The following POMK variants were observed in gnomAD, a reference collection of about 807,000 sequenced individuals.
POMK encodes Sugen kinase 196.
A neutral mutation model predicts 23.0 loss-of-function variants in POMK; 19 were observed. The observed-to-expected ratio is 0.83, with a 90% CI of 0.58 to 1.21. POMK has a LOEUF of 1.21. Among genes scored for constraint, POMK ranks in the 50% most tolerant of loss-of-function variants. POMK has a pLI of 0.00. For missense variants in POMK, 410 were observed against 431.3 expected, an observed-to-expected ratio of 0.95 and a Z score of 0.44; for synonymous variants, 173 against 171.6, an observed-to-expected ratio of 1.01 and a Z score of -0.06.
At position 43,111,585 on chromosome 8, in the gene POMK, G is replaced by T. The variant is rs529763051; in HGVS notation, c.282+7755G>T. 1.9e-4 allele frequency among the ~76,000 whole-genome samples: 29 copies of T among 152,334 alleles called. No homozygotes were observed. In the South Asian group the frequency reaches 3.9e-3, roughly 21 times the overall value. The stretch of plus-strand genomic sequence containing the variant: ...TTTGAAGAGAGTAGTGGTTCTCCCA[G>T]CATGCAGCTTGAGATCTCAGAATGG... On this transcript the variant is annotated intron_variant, in intron 4 of 4. Coordinates refer to ENST00000331373, the MANE Select transcript of POMK (RefSeq NM_032237.5).
intron 4 of POMK, among the ~76,000 whole-genome samples, chr8:43,105,344 A>C (rs1452363811): frequency 3.9e-5 from 6 of 152,074 alleles, no homozygotes; most frequent in Non-Finnish European, 8.8e-5. Context: ...CCTTTGCTCT[A>C]CCCTTCCCAG....
rs185076945 is a variant in POMK at position 43,121,613 on chromosome 8, C to T, written c.283-494C>T. On this transcript the variant is annotated intron_variant, in intron 4 of 4. Coordinates refer to ENST00000331373, the MANE Select transcript of POMK (RefSeq NM_032237.5). ...GCTCTACGCCCTCATGTAGGCTTTT[C>T]GGGGTCTCCACACTTACCCACTTTT... 5.3e-5 allele frequency among the ~76,000 whole-genome samples: 8 copies of T among 152,338 alleles called. No homozygotes were observed. In the East Asian group the frequency reaches 1.2e-3, roughly 22 times the overall value.
chr8:43,100,370 G>A (rs570680489), intron 2 of POMK, among the ~76,000 whole-genome samples: 7 of 152,190 alleles, frequency 4.6e-5, no homozygotes, highest in African/African-American at 1.7e-4. Flanking sequence ...AAGTTCCAAA[G>A]CAAGCTAATA....
At chr8:43,114,409 C>T (rs181786151) in intron 4 of POMK, among the ~76,000 whole-genome samples, 25 of 152,330 alleles carry the variant, frequency 1.6e-4, no homozygotes, top group Middle Eastern at 3.4e-3. Context: ...TAGGACCCTC[C>T]GAGCCACGTG....
At chr8:43,096,762 C>T (rs1039353442) in intron 1 of POMK, among the ~76,000 whole-genome samples, 1 of 152,230 alleles carries the variant, frequency 6.6e-6, no homozygotes, top group African/African-American at 2.4e-5. Context: ...CACAGCTTGT[C>T]TCACTAATTG....
At chr8:43,096,117 A>C (rs905687143) in intron 1 of POMK, among the ~76,000 whole-genome samples, 5 of 152,196 alleles carry the variant, frequency 3.3e-5, no homozygotes, top group Admixed American at 2.0e-4. Context: ...ACTGGGGTGC[A>C]GTGGTGAACA....
intron 4 of POMK, among the ~76,000 whole-genome samples, chr8:43,116,055 G>T (rs765962959): frequency 6.6e-6 from 1 of 152,186 alleles, no homozygotes; most frequent in Non-Finnish European, 1.5e-5. Context: ...CTTCAACCCC[G>T]TTTAAAATTG....
At chr8:43,096,577 G>T (rs973861365) in intron 1 of POMK, among the ~76,000 whole-genome samples, 2 of 152,172 alleles carry the variant, frequency 1.3e-5, no homozygotes, top group African/African-American at 2.4e-5. Context: ...GGAGGCTGAG[G>T]CAGGAGAATC....
At chr8:43,114,228 G>A (rs1811745086) in intron 4 of POMK, among the ~76,000 whole-genome samples, 1 of 152,246 alleles carries the variant, frequency 6.6e-6, no homozygotes, top group Non-Finnish European at 1.5e-5. Flanking sequence ...GCCTACAGAG[G>A]CAGGCAGGCC....
intron 4 of POMK, among the ~76,000 whole-genome samples, chr8:43,106,351 T>G (rs2130604903): frequency 6.6e-6 from 1 of 152,296 alleles, no homozygotes; most frequent in East Asian, 1.9e-4. Context: ...GTTATTTTTT[T>G]CTGTTGAGAT....
In POMK at chr8:43,122,784, A is replaced by G; in HGVS notation, c.960A>G (p.Glu320=). The G allele has an allele frequency of 6.2e-7, 1 of 1,614,142 alleles. No homozygotes were observed. Among genetic ancestry groups the G allele is most frequent in the Non-Finnish European group, 8.5e-7 (1 of 1,180,012 alleles). Residue 320 remains glutamate (E), a synonymous_variant, in exon 5 of 5, where the codon GAA becomes GAG. Coordinates refer to ENST00000331373, the MANE Select transcript of POMK (RefSeq NM_032237.5). ...CATGCAAGAGCCAGACTCCCTCAGA[A>G]AGACCCACTGCCCAGGACGTTCTGG... is the stretch of plus-strand genomic sequence containing the variant. The part of the protein sequence containing the change: ...HKACKSQTPS[E]RPTAQDVLET...
intron 4 of POMK, among the ~76,000 whole-genome samples, chr8:43,109,552 A>G (rs1228332787): frequency 6.7e-6 from 1 of 150,006 alleles, no homozygotes; most frequent in African/African-American, 2.5e-5. Flanking sequence ...TTTATTTTTT[A>G]TTTTTTTCAA....
intron 4 of POMK, among the ~76,000 whole-genome samples, chr8:43,106,549 G>A (rs986379132): frequency 2.4e-5 from 3 of 126,720 alleles, no homozygotes; most frequent in South Asian, 2.5e-4. Context: ...TTGCTCTATC[G>A]CCCAGGCTGG....
chr8:43,121,625 A>G (rs1811917724), intron 4 of POMK, among the ~76,000 whole-genome samples: 1 of 152,130 alleles, frequency 6.6e-6, no homozygotes, highest in Admixed American at 6.5e-5. Flanking sequence ...GGGTCTCCAC[A>G]CTTACCCACT....
At chr8:43,098,530 T>A (rs1259396951) in intron 2 of POMK, among the ~76,000 whole-genome samples, 1 of 152,226 alleles carries the variant, frequency 6.6e-6, no homozygotes, top group Non-Finnish European at 1.5e-5. Flanking sequence ...AATGGACACT[T>A]GGCTTGTTTC....
chr8:43,097,256 A>G (rs1811352681), intron 1 of POMK, among the ~76,000 whole-genome samples: 1 of 152,160 alleles, frequency 6.6e-6, no homozygotes, highest in Non-Finnish European at 1.5e-5. Flanking sequence ...TGGACCCAAG[A>G]ATTTGCATTT....
At chr8:43,111,369 G>C (rs576421811) in intron 4 of POMK, among the ~76,000 whole-genome samples, 37 of 152,322 alleles carry the variant, frequency 2.4e-4, no homozygotes, top group Non-Finnish European at 3.8e-4. Flanking sequence ...CAGCGAGGCT[G>C]GGGGAGGGGC....
intron 4 of POMK, among the ~76,000 whole-genome samples, chr8:43,114,056 CAG>C (rs1563340455): frequency 6.6e-6 from 1 of 152,240 alleles, no homozygotes; most frequent in Non-Finnish European, 1.5e-5. Flanking sequence ...GCTTGGGGGT[CAG>C]GGGTCAGGGA....
chr8:43,101,550 A>G (rs981756418), intron 2 of POMK, among the ~76,000 whole-genome samples: 1 of 152,074 alleles, frequency 6.6e-6, no homozygotes, highest in Non-Finnish European at 1.5e-5. Flanking sequence ...GCCAAGATCT[A>G]GTCTGGACTG....
Sources: allele counts gnomAD v4.1 joint callset (sites outside exome capture counted in the v4.1 genomes callset), GRCh38; gene constraint gnomAD v4.1.1; transcripts MANE v1.5; gene names NCBI Gene and HGNC (gene_info 2026-07-23, HGNC 2026-07-21).